Variants in CR1L observed in about 807,000 individuals in gnomAD.
CR1L encodes the protein complement component receptor 1-like protein.
CR1L carries 59 observed loss-of-function variants against 62.3 expected under a neutral mutation model. The observed-to-expected ratio is 0.95, with a 90% CI of 0.77 to 1.18. The LOEUF (loss-of-function observed/expected upper bound fraction) is 1.18, where lower values mean the gene tolerates loss of function less well. CR1L is among the 50% of genes most tolerant of loss of function. The pLI, the probability that CR1L is intolerant of heterozygous loss-of-function variation, is 0.00. For synonymous variants in CR1L, 279 were observed against 248.7 expected, an observed-to-expected ratio of 1.12 and a Z score of -1.15; for missense variants, 700 against 702.8, an observed-to-expected ratio of 1.00 and a Z score of 0.04.
chr1:207,687,178 T>G (rs1270579949), intron 4 of CR1L, among the ~76,000 whole-genome samples: 3 of 152,228 alleles, frequency 2.0e-5, no homozygotes, highest in Admixed American at 2.0e-4. Context: ...TATGACAGTC[T>G]TATAAAGCCA....
At chr1:207,696,848 CATT>C (rs1294698074) in intron 5 of CR1L, among the ~76,000 whole-genome samples, 1 of 152,206 alleles carries the variant, frequency 6.6e-6, no homozygotes, top group Non-Finnish European at 1.5e-5. Flanking sequence ...TAGACACTCT[CATT>C]ATGGTGACAG....
chr1:207,655,784 A>G (rs1663299229), intron 1 of CR1L, among the ~76,000 whole-genome samples: 1 of 152,216 alleles, frequency 6.6e-6, no homozygotes, highest in African/African-American at 2.4e-5. Context: ...CATATATAAC[A>G]TTTTTTAATG....
At chr1:207,668,355 C>A (rs1011831219) in intron 1 of CR1L, among the ~76,000 whole-genome samples, 1 of 150,920 alleles carries the variant, frequency 6.6e-6, no homozygotes, top group African/African-American at 2.5e-5. Flanking sequence ...GAATGAAATC[C>A]TATCATTTGC....
At chr1:207,704,120 G>A (rs1664234992) in intron 9 of CR1L, among the ~76,000 whole-genome samples, 1 of 152,184 alleles carries the variant, frequency 6.6e-6, no homozygotes, top group African/African-American at 2.4e-5. Flanking sequence ...CATGGGAAGA[G>A]GTTAAAATAT....
At chr1:207,676,210 C>A (rs1169460350) in intron 1 of CR1L, among the ~76,000 whole-genome samples, 1 of 152,122 alleles carries the variant, frequency 6.6e-6, no homozygotes, top group Non-Finnish European at 1.5e-5. Flanking sequence ...GCTTAGTTTT[C>A]TTCAAACTAG....
At chr1:207,706,013 G>GTGTATATATA (rs1439643752) in intron 9 of CR1L, among the ~76,000 whole-genome samples, 41 of 133,572 alleles carry the variant, frequency 3.1e-4, no homozygotes, top group Admixed American at 2.8e-3. Flanking sequence ...GTGTGTGTAT[G>GTGTATATATA]TATATATATA....
At position 207,694,557 on chromosome 1, in the gene CR1L, A is replaced by G. The variant is rs368142229; in HGVS notation, c.668A>G (p.Gln223Arg). 1 of 1,612,542 alleles carries G rather than the reference A, an allele frequency of 6.2e-7. No individual in the cohort carries two copies. Among genetic ancestry groups the G allele is most frequent in the South Asian group, 1.1e-5 (1 of 91,026 alleles). The change falls in exon 5 of 12, where the codon CAG (glutamine) becomes CGG (arginine). Residue 223 changes from glutamine (Q) to arginine (R), a missense_variant. Transcript: ENST00000508064. ...QVGIWSGPAP[Q>R]CIIPNKCTPP... The stretch of plus-strand genomic sequence containing the variant: ...GGCATCTGGAGTGGCCCAGCCCCTC[A>G]GTGCATTATACCTAACAAATGCACG...
chr1:207,670,604 C>A (rs1663594920), intron 1 of CR1L, among the ~76,000 whole-genome samples: 2 of 150,910 alleles, frequency 1.3e-5, no homozygotes, highest in Non-Finnish European at 2.9e-5. Flanking sequence ...AGGGTTCGTC[C>A]TTCTCTGCCA....
At chr1:207,667,995 C>T (rs1663548528) in intron 1 of CR1L, among the ~76,000 whole-genome samples, 1 of 151,116 alleles carries the variant, frequency 6.6e-6, no homozygotes, top group South Asian at 2.1e-4. Flanking sequence ...GTTATCAGAG[C>T]TCTTATCAAA....
chr1:207,723,360 G>A (rs1654179925), intron 11 of CR1L, among the ~76,000 whole-genome samples: 1 of 151,322 alleles, frequency 6.6e-6, no homozygotes, highest in Admixed American at 6.6e-5. Context: ...AACCCAGGAG[G>A]CAGAGGTCGC....
intron 1 of CR1L, among the ~76,000 whole-genome samples, chr1:207,664,824 G>A (rs1663488303): frequency 6.6e-6 from 1 of 152,064 alleles, no homozygotes; most frequent in Non-Finnish European, 1.5e-5. Context: ...ATCAGTAAGA[G>A]GAAGAATAAA....
At chr1:207,681,594 T>C (rs1663800518) in intron 3 of CR1L, among the ~76,000 whole-genome samples, 1 of 152,236 alleles carries the variant, frequency 6.6e-6, no homozygotes, top group Non-Finnish European at 1.5e-5. Context: ...AGTTATCCTT[T>C]GACTCATATT....
intron 1 of CR1L, among the ~76,000 whole-genome samples, chr1:207,646,968 A>G (rs11118242): frequency 0.53 from 81,141 of 151,866 alleles, 22,020 homozygotes; most frequent in East Asian, 0.68. Flanking sequence ...CTGTTACACT[A>G]GTAGGTAATA....
chr1:207,649,783 G>A (rs546934603), intron 1 of CR1L, among the ~76,000 whole-genome samples: 4 of 152,276 alleles, frequency 2.6e-5, no homozygotes, highest in African/African-American at 4.8e-5. Context: ...GAGAGCCATC[G>A]AAAGGTATCT....
At chr1:207,667,514 T>C (rs142447235) in intron 1 of CR1L, among the ~76,000 whole-genome samples, 1 of 152,336 alleles carries the variant, frequency 6.6e-6, no homozygotes, top group Non-Finnish European at 1.5e-5. Context: ...ACTCTTTCCA[T>C]CTCAATATCC....
intron 10 of CR1L, among the ~76,000 whole-genome samples, chr1:207,713,676 C>A (rs1424293272): frequency 2.0e-5 from 3 of 152,252 alleles, no homozygotes. Flanking sequence ...CAGGAGCGGG[C>A]TCCGTGCAAG....
At position 207,715,505 on chromosome 1, in the gene CR1L, T is replaced by C. The variant is rs1467260043; in HGVS notation, c.1415-1959T>C. On this transcript the variant is annotated intron_variant, in intron 10 of 11. Transcript: ENST00000508064. Reference sequence around the variant, plus strand: ...GATCTTTACTTAACTAAATTACTGATTAAAATACTTCTCTGTTGGAAGAAT... The same window carrying C: ...GATCTTTACTTAACTAAATTACTGACTAAAATACTTCTCTGTTGGAAGAAT... 5.0e-6 allele frequency: 3 copies of C among 595,076 alleles called. No homozygotes were observed. The Admixed American group carries it at 9.0e-5, about 18-fold the overall frequency. 36.9% of individuals were successfully genotyped at this position (595,076 alleles called of 1,614,324 possible).
intron 1 of CR1L, chr1:207,652,777 A>T: frequency 1.4e-6 from 1 of 706,058 alleles, no homozygotes. Context: ...TGCTTGCTCT[A>T]GAGATTTGCA....
At chr1:207,656,019 G>A (rs180781718) in intron 1 of CR1L, among the ~76,000 whole-genome samples, 104 of 152,160 alleles carry the variant, frequency 6.8e-4, no homozygotes, top group African/African-American at 2.4e-3. Flanking sequence ...CGGGTGGATC[G>A]CGAGGTCAGG....
Sources: gnomAD v4.1 joint callset for allele counts (sites outside exome capture counted in the v4.1 genomes callset) on GRCh38, gnomAD v4.1.1 for gene constraint, MANE v1.5 for transcripts, NCBI Gene and HGNC (gene_info 2026-07-23, HGNC 2026-07-21) for gene names.